The following WDFY2 variants were observed in gnomAD, a reference collection of about 807,000 sequenced individuals.
WDFY2 encodes the protein WD repeat and FYVE domain-containing protein 2.
WDFY2 carries 36 observed loss-of-function variants against 56.4 expected under a neutral mutation model. The observed-to-expected ratio is 0.64, with a 90% CI of 0.49 to 0.84. The LOEUF is 0.84. Ranked by LOEUF, WDFY2 falls within the 40% of genes least tolerant of loss-of-function variation. WDFY2 has a pLI of 0.00. For missense variants in WDFY2, 444 were observed against 512.2 expected, an observed-to-expected ratio of 0.87 and a Z score of 1.29; for synonymous variants, 176 against 183.7, an observed-to-expected ratio of 0.96 and a Z score of 0.34.
At chr13:51,722,900 T>C (rs2138639530) in intron 5 of WDFY2, among the ~76,000 whole-genome samples, 1 of 152,386 alleles carries the variant, frequency 6.6e-6, no homozygotes, top group African/African-American at 2.4e-5. Context: ...TGTCTTGTTA[T>C]TTGACCATGT....
intron 4 of WDFY2, among the ~76,000 whole-genome samples, chr13:51,712,185 A>C (rs540888011): frequency 6.6e-6 from 1 of 152,190 alleles, no homozygotes; most frequent in Non-Finnish European, 1.5e-5. Flanking sequence ...TTCTGAGCAA[A>C]CTATTGCAAG....
At chr13:51,618,942 G>T (rs561925088) in intron 1 of WDFY2, among the ~76,000 whole-genome samples, 1 of 152,330 alleles carries the variant, frequency 6.6e-6, no homozygotes, top group East Asian at 1.9e-4. Context: ...AAGACTGCTG[G>T]AGCTCATCCA....
chr13:51,698,315 C>T (rs1951917835), intron 3 of WDFY2, among the ~76,000 whole-genome samples: 1 of 152,116 alleles, frequency 6.6e-6, no homozygotes, highest in South Asian at 2.1e-4. Context: ...AAGAATACAT[C>T]AGGGCAAGTT....
intron 3 of WDFY2, among the ~76,000 whole-genome samples, chr13:51,686,026 G>A (rs1429244890): frequency 6.6e-6 from 1 of 152,086 alleles, no homozygotes; most frequent in African/African-American, 2.4e-5. Context: ...CACTCTGATA[G>A]GGAAGCAATT....
chr13:51,734,662 TC>T (rs1566202633), intron 6 of WDFY2, among the ~76,000 whole-genome samples: 1 of 152,174 alleles, frequency 6.6e-6, no homozygotes, highest in African/African-American at 2.4e-5. Flanking sequence ...ATTGCCTCTA[TC>T]CATTTCCAGA....
intron 4 of WDFY2, among the ~76,000 whole-genome samples, chr13:51,709,982 A>C (rs928941599): frequency 8.5e-5 from 13 of 152,100 alleles, no homozygotes; most frequent in African/African-American, 2.4e-4. Flanking sequence ...GACACAACAA[A>C]AAAAAAGAGA....
intron 1 of WDFY2, among the ~76,000 whole-genome samples, chr13:51,608,883 G>A (rs1047990536): frequency 6.6e-6 from 1 of 152,024 alleles, no homozygotes; most frequent in African/African-American, 2.4e-5. Context: ...GGGCATTTAG[G>A]TTATTTCCAG....
At chr13:51,588,672 G>A (rs1235133983) in intron 1 of WDFY2, 2 of 151,992 alleles carry the variant, frequency 1.3e-5, no homozygotes, top group Admixed American at 6.6e-5. Flanking sequence ...AGATAGAGGA[G>A]GCAAGAAAAC....
intron 1 of WDFY2, chr13:51,588,501 T>G (rs943815107): frequency 6.6e-6 from 1 of 152,252 alleles, no homozygotes; most frequent in Non-Finnish European, 1.5e-5. Context: ...ATTCCCTTCC[T>G]AGGAGTTAAC....
chr13:51,651,365 G>A (rs187883903), intron 1 of WDFY2, among the ~76,000 whole-genome samples: 2 of 152,076 alleles, frequency 1.3e-5, no homozygotes, highest in Non-Finnish European at 2.9e-5. Context: ...CAAAAAACCA[G>A]CTCCTGGATT....
rs969917319 is a variant in WDFY2 at position 51,765,502 on chromosome 13, A to G, written c.*5733A>G. ...CCAGAGATGTTGAAAGGGAGATTAA[A>G]GGCTTGAGGGATGAATTTGATCATC... On this transcript the variant is annotated 3_prime_UTR_variant, in exon 12 of 12. Coordinates refer to ENST00000298125, the MANE Select transcript of WDFY2 (RefSeq NM_052950.4). 3 of 152,228 alleles carry G rather than the reference A, an allele frequency of 2.0e-5. No homozygotes were observed. Among genetic ancestry groups the G allele is most frequent in the Admixed American group, 1.3e-4 (2 of 15,290 alleles). The allele number at this position is 152,228 out of a possible 1,614,324, so 9.4% of individuals were successfully genotyped here.
rs116030811 is a variant in WDFY2, at chr13:51,733,473, T to C, written c.599-5576T>C. Reference sequence around the variant, plus strand: ...CAAAGGCAAGTGACCTTACAAGTAGTGGTAGGAGCTTCAGGCATTATTCTC... The same window carrying C: ...CAAAGGCAAGTGACCTTACAAGTAGCGGTAGGAGCTTCAGGCATTATTCTC... On this transcript the variant is annotated intron_variant, in intron 6 of 11. Transcript: ENST00000298125. Among the ~76,000 whole-genome samples, 823 of 152,216 alleles carry C rather than the reference T, an allele frequency of 5.4e-3. 6 individuals are homozygous for C. The highest frequency in any genetic ancestry group is 0.019 in the African/African-American group (771 of 41,516).
At chr13:51,726,301 A>G (rs1357902797) in intron 5 of WDFY2, among the ~76,000 whole-genome samples, 1 of 152,200 alleles carries the variant, frequency 6.6e-6, no homozygotes, top group Non-Finnish European at 1.5e-5. Flanking sequence ...CCAGCTGCAT[A>G]ATATTCTATT....
At chr13:51,660,552 CTAAGAA>C (rs1955593174) in intron 1 of WDFY2, 38 bp from the exon 2 acceptor site, 9 of 1,575,592 alleles carry the variant, frequency 5.7e-6, no homozygotes, top group Non-Finnish European at 7.9e-6. Flanking sequence ...TTTCCCATGG[CTAAGAA>C]TAATGTGATT....
intron 1 of WDFY2, among the ~76,000 whole-genome samples, chr13:51,657,012 A>G (rs1200873661): frequency 1.3e-5 from 2 of 151,834 alleles, no homozygotes; most frequent in African/African-American, 2.4e-5. Context: ...CCATTTCACT[A>G]TTTATTTTTT....
chr13:51,590,217 A>G (rs1333136958), intron 1 of WDFY2: 1 of 152,222 alleles, frequency 6.6e-6, no homozygotes, highest in African/African-American at 2.4e-5. Context: ...TAAAATGAGT[A>G]ATTTTTAAAT....
At chr13:51,698,034 T>C (rs1180458978) in intron 3 of WDFY2, among the ~76,000 whole-genome samples, 1 of 152,200 alleles carries the variant, frequency 6.6e-6, no homozygotes, top group Non-Finnish European at 1.5e-5. Context: ...CATACAGTCT[T>C]ATGAGGCTAG....
intron 2 of WDFY2, among the ~76,000 whole-genome samples, chr13:51,674,876 A>G (rs1179108786): frequency 1.3e-5 from 2 of 152,198 alleles, no homozygotes; most frequent in Non-Finnish European, 2.9e-5. Flanking sequence ...AGTATTGTTA[A>G]TCTAGTTAAG....
chr13:51,642,498 AT>A (rs991111790), intron 1 of WDFY2, among the ~76,000 whole-genome samples: 8 of 151,892 alleles, frequency 5.3e-5, no homozygotes, highest in African/African-American at 1.9e-4. Flanking sequence ...GGATTTCACC[AT>A]GTTGCCCAAG....
Sources: allele counts gnomAD v4.1 joint callset (sites outside exome capture counted in the v4.1 genomes callset), GRCh38; gene constraint gnomAD v4.1.1; transcripts MANE v1.5; gene names NCBI Gene and HGNC (gene_info 2026-07-23, HGNC 2026-07-21).